STAB2: variants seen among roughly 807,000 people sequenced by gnomAD.
STAB2 encodes stabilin-2.
A neutral mutation model predicts 338.1 loss-of-function variants in STAB2; 288 were observed. The observed-to-expected ratio is 0.85, with a 90% CI of 0.77 to 0.94. The LOEUF is 0.94. Among genes scored for constraint, STAB2 ranks in the 40% least tolerant of loss-of-function variants. The pLI is 0.00. For missense variants in STAB2, 3,141 were observed against 3,210.1 expected (o/e 0.98, Z 0.52); for synonymous variants, 1,202 against 1,193.3 (o/e 1.01, Z -0.15).
chr12:103,757,860 G>T, intron 63 of STAB2: 1 of 376,548 alleles, frequency 2.7e-6, no homozygotes, highest in South Asian at 2.9e-5. Flanking sequence ...TCCTCTGAGT[G>T]AAGTGGGGGG....
chr12:103,766,574 C>CACCTGCTCCATTCTGCCCT lies in STAB2; in HGVS notation c.*241_*259dup, dbSNP rs1884980724. The CACCTGCTCCATTCTGCCCT allele has an allele frequency of 7.9e-6, 4 of 505,096 alleles. No individual in the cohort carries two copies. Among genetic ancestry groups the CACCTGCTCCATTCTGCCCT allele is most frequent in the African/African-American group, 1.9e-5 (1 of 51,884 alleles). The allele number at this position is 505,096 out of a possible 1,614,324, so 31.3% of individuals were successfully genotyped here. On this transcript the variant is annotated 3_prime_UTR_variant, in exon 69 of 69. Transcript: ENST00000388887. Reference sequence around the variant, plus strand: ...TTCTTCCTTTGTACTCTTCAGCTGGCACCTGCTCCATTCTGCCCTACATGA... The same window carrying CACCTGCTCCATTCTGCCCT: ...TTCTTCCTTTGTACTCTTCAGCTGGCACCTGCTCCATTCTGCCCTACCTGCTCCATTCTGCCCTACATGA...
At chr12:103,718,269 A>G (rs989036430) in intron 44 of STAB2, among the ~76,000 whole-genome samples, 16 of 152,190 alleles carry the variant, frequency 1.1e-4, no homozygotes, top group African/African-American at 3.9e-4. Context: ...ATAGTGTAGC[A>G]TTCCAAAAGC....
intron 9 of STAB2, 25 bp from the exon 10 acceptor site, chr12:103,648,665 G>C: frequency 6.2e-7 from 1 of 1,610,278 alleles, no homozygotes. Flanking sequence ...AAAACCCTGA[G>C]GATGTCTTTT....
chr12:103,731,496 T>TG (rs1174221588), intron 49 of STAB2, 80 bp from the exon 50 acceptor site: 2 of 1,500,372 alleles, frequency 1.3e-6, no homozygotes, highest in African/African-American at 2.8e-5. Flanking sequence ...TACCTTTACT[T>TG]TTTTTCACTT....
At chr12:103,701,074 A>G (rs1489581726) in intron 34 of STAB2, among the ~76,000 whole-genome samples, 8 of 149,314 alleles carry the variant, frequency 5.4e-5, no homozygotes, top group South Asian at 2.1e-4. Flanking sequence ...TCATTGTTCA[A>G]TTCCCACCTA....
intron 41 of STAB2, 39 bp from the exon 42 acceptor site, chr12:103,713,604 C>A: frequency 1.2e-6 from 2 of 1,608,368 alleles, no homozygotes; most frequent in South Asian, 1.1e-5. Context: ...TGGCTTTTGC[C>A]CTTCCCTCTC....
intron 34 of STAB2, among the ~76,000 whole-genome samples, chr12:103,700,987 C>G: frequency 7.3e-6 from 1 of 137,782 alleles, no homozygotes; most frequent in Non-Finnish European, 1.6e-5. Flanking sequence ...CCAATGCTAT[C>G]CCTCCCCCCT....
intron 61 of STAB2, among the ~76,000 whole-genome samples, chr12:103,753,741 T>C (rs1883873617): frequency 4.6e-5 from 7 of 152,166 alleles, no homozygotes; most frequent in Admixed American, 4.6e-4. Context: ...ACCATGACAT[T>C]CAACTGCCAA....
At chr12:103,718,152 C>T (rs542422279) in intron 44 of STAB2, among the ~76,000 whole-genome samples, 2 of 152,316 alleles carry the variant, frequency 1.3e-5, no homozygotes, top group East Asian at 3.9e-4. Flanking sequence ...ATGTCTCTCA[C>T]CTCCTCTAGG....
chr12:103,626,896 G>T (rs1015327076), intron 5 of STAB2, among the ~76,000 whole-genome samples: 15 of 152,220 alleles, frequency 9.9e-5, no homozygotes, highest in African/African-American at 3.6e-4. Context: ...CAGTGCCCCA[G>T]CCTGCTCAGT....
Position 103,614,496 on chromosome 12 carries a change from G to A in STAB2, c.332-5972G>A, listed in dbSNP as rs546100829. Reference sequence around the variant, plus strand: ...TGCTGATTAGTCAAAGTGGCTTTAAGTCAGTGTACAAAATCTCCCTATGAA... The same window carrying A: ...TGCTGATTAGTCAAAGTGGCTTTAAATCAGTGTACAAAATCTCCCTATGAA... On this transcript the variant is annotated intron_variant, in intron 3 of 68. Coordinates refer to ENST00000388887, the MANE Select transcript of STAB2 (RefSeq NM_017564.10). Among the ~76,000 whole-genome samples the A allele has an allele frequency of 3.9e-5, 6 of 152,274 alleles. No homozygotes were observed. In the South Asian group the frequency reaches 1.2e-3, roughly 32 times the overall value.
intron 4 of STAB2, 32 bp from the exon 5 acceptor site, chr12:103,622,010 G>A: frequency 1.2e-6 from 2 of 1,613,062 alleles, no homozygotes; most frequent in East Asian, 2.2e-5. Flanking sequence ...GTCACCTTGG[G>A]TCTAATGTCA....
chr12:103,730,490 T>C (rs1277789408), intron 49 of STAB2, among the ~76,000 whole-genome samples: 5 of 152,224 alleles, frequency 3.3e-5, no homozygotes, highest in Non-Finnish European at 5.9e-5. Flanking sequence ...ACAGGTAGTC[T>C]TACATAGGTT....
At chr12:103,641,554 G>A (rs1872929916) in intron 9 of STAB2, among the ~76,000 whole-genome samples, 1 of 152,142 alleles carries the variant, frequency 6.6e-6, no homozygotes, top group East Asian at 1.9e-4. Flanking sequence ...ACACACATAT[G>A]CATCCAGGCA....
At position 103,622,088 on chromosome 12, in the gene STAB2, T is replaced by C. The variant is rs757373740; in HGVS notation, c.464T>C (p.Leu155Ser). ...TGTGAAACCTGTGCTGACGACAACT[T>C]ATTTGGACCCAGCTGTTCATCAGGT... ...TACETCADDN[L>S]FGPSCSSVCN... The change falls in exon 5 of 69, where the codon TTA becomes TCA. Residue 155 changes from leucine to serine, a missense_variant. Coordinates refer to ENST00000388887, the MANE Select transcript of STAB2 (RefSeq NM_017564.10). The C allele has an allele frequency of 3.1e-6, 5 of 1,614,082 alleles. No homozygotes were observed. Among genetic ancestry groups the C allele is most frequent in the Non-Finnish European group, 4.2e-6 (5 of 1,180,046 alleles).
chr12:103,674,039 A>G lies in STAB2; in HGVS notation c.2504A>G (p.Gln835Arg), dbSNP rs1291204693. Residue 835 changes from glutamine to arginine, a missense_variant, in exon 23 of 69, where the codon CAG becomes CGG. Transcript: ENST00000388887. ...ACCTCAGCCTGTGGGCCCTACGTGC[A>G]GTTCTGTCACATCCACGCCACCTGT... ...KQTSACGPYV[Q>R]FCHIHATCEY... The G allele has an allele frequency of 6.2e-7, 1 of 1,613,928 alleles. No homozygotes were observed. The highest frequency in any genetic ancestry group is 1.1e-5 in the South Asian group (1 of 91,090).
chr12:103,723,879 G>A (rs948835691), intron 44 of STAB2, among the ~76,000 whole-genome samples: 1 of 146,116 alleles, frequency 6.8e-6, no homozygotes, highest in Admixed American at 6.6e-5. Context: ...GGAGACTGCA[G>A]TATTAGAAGA....
In STAB2 at chr12:103,717,851, G is replaced by C; in HGVS notation, c.4683+10G>C. 1 of 1,614,008 alleles carries C rather than the reference G, an allele frequency of 6.2e-7. No homozygotes were observed. The highest frequency in any genetic ancestry group is 8.5e-7 in the Non-Finnish European group (1 of 1,179,938). On this transcript the variant is annotated intron_variant, in intron 44 of 68. Coordinates refer to ENST00000388887, the MANE Select transcript of STAB2 (RefSeq NM_017564.10). ...CAATGTCTGCTTAACTGTGAGTATGGCTCTAGGGTGGATATCCTTCAAGCC... is the reference window on the plus strand; with the variant it reads ...CAATGTCTGCTTAACTGTGAGTATGCCTCTAGGGTGGATATCCTTCAAGCC...
At chr12:103,678,837 TC>T (rs1876632564) in intron 25 of STAB2, among the ~76,000 whole-genome samples, 1 of 151,982 alleles carries the variant, frequency 6.6e-6, no homozygotes, top group African/African-American at 2.4e-5. Context: ...CAGCCAATCT[TC>T]CTTATTTAAA....
Sources: allele counts gnomAD v4.1 joint callset (sites outside exome capture counted in the v4.1 genomes callset), GRCh38; gene constraint gnomAD v4.1.1; transcripts MANE v1.5; gene names NCBI Gene and HGNC (gene_info 2026-07-23, HGNC 2026-07-21).